The following FCHSD2 variants were observed in gnomAD, a reference collection of about 807,000 sequenced individuals.
The protein encoded by FCHSD2 is F-BAR and double SH3 domains protein 2.
In FCHSD2, 38 loss-of-function variants were observed where a neutral mutation model predicts 108.1. The ratio of observed to expected loss-of-function variants is 0.35; its 90% confidence interval spans 0.27 to 0.46. The LOEUF (loss-of-function observed/expected upper bound fraction) is 0.46. Ranked by LOEUF, FCHSD2 falls within the 20% of genes least tolerant of loss-of-function variation. The pLI is 1.00. For synonymous variants in FCHSD2, 279 were observed against 314.7 expected (o/e 0.89, Z 1.20); for missense variants, 751 against 897.8 (o/e 0.84, Z 2.09).
At chr11:73,008,971 G>A (rs183983718) in intron 4 of FCHSD2, among the ~76,000 whole-genome samples, 1 of 151,546 alleles carries the variant, frequency 6.6e-6, no homozygotes, top group Admixed American at 6.6e-5. Context: ...TTACTTAAAA[G>A]TCATTAGAGA....
intron 3 of FCHSD2, among the ~76,000 whole-genome samples, chr11:73,058,857 C>T (rs1859095933): frequency 6.6e-6 from 1 of 152,072 alleles, no homozygotes; most frequent in South Asian, 2.1e-4. Context: ...TGTGAGCCAT[C>T]CCACCTAGAC....
chr11:73,014,208 T>C (rs1218395227), intron 4 of FCHSD2, among the ~76,000 whole-genome samples: 1 of 143,664 alleles, frequency 7.0e-6, no homozygotes, highest in African/African-American at 2.6e-5. Flanking sequence ...CATAGCTCAC[T>C]GCAGCCTTCA....
At chr11:73,033,355 T>C (rs913049328) in intron 3 of FCHSD2, among the ~76,000 whole-genome samples, 2 of 151,466 alleles carry the variant, frequency 1.3e-5, no homozygotes, top group African/African-American at 4.9e-5. Context: ...TCTAGTCCTG[T>C]CCAAAGATGA....
chr11:73,023,187 A>G (rs1858148494), intron 3 of FCHSD2, among the ~76,000 whole-genome samples: 1 of 152,168 alleles, frequency 6.6e-6, no homozygotes. Flanking sequence ...AAGAAAAATG[A>G]TAAATTGGAC....
intron 8 of FCHSD2, among the ~76,000 whole-genome samples, chr11:72,951,253 G>A (rs1856614577): frequency 6.6e-6 from 1 of 152,114 alleles, no homozygotes; most frequent in South Asian, 2.1e-4. Flanking sequence ...TCTGGTGTAG[G>A]ATATTGCTGT....
rs1565286759 is a variant in FCHSD2, at chr11:72,849,766, AAAC to A, written c.1429_1431del (p.Val477del). The A allele has an allele frequency of 6.2e-7, 1 of 1,610,890 alleles. No individual in the cohort carries two copies. The highest frequency in any genetic ancestry group is 8.5e-7 in the Non-Finnish European group (1 of 1,177,984). ...GGAGAAATACAAACCTTGTAGGAAT[AAAC>A]AACTTTGCAGGTGAGTGGATAATTT... is the stretch of plus-strand genomic sequence containing the variant. On this transcript the variant is annotated inframe_deletion, in exon 14 of 20. Coordinates refer to ENST00000409418, the MANE Select transcript of FCHSD2 (RefSeq NM_014824.3).
At chr11:73,072,879 T>C (rs555439571) in intron 3 of FCHSD2, among the ~76,000 whole-genome samples, 1 of 152,336 alleles carries the variant, frequency 6.6e-6, no homozygotes, top group South Asian at 2.1e-4. Context: ...TTCATAATTT[T>C]ATTTCTTAAA....
intron 8 of FCHSD2, among the ~76,000 whole-genome samples, chr11:72,930,808 T>C (rs560413103): frequency 4.6e-5 from 7 of 152,204 alleles, no homozygotes; most frequent in African/African-American, 1.7e-4. Context: ...TAAAGGGTAG[T>C]AGGGGTTGAG....
At chr11:72,857,276 G>A (rs1861449992) in intron 13 of FCHSD2, among the ~76,000 whole-genome samples, 1 of 152,114 alleles carries the variant, frequency 6.6e-6, no homozygotes, top group South Asian at 2.1e-4. Context: ...CTGTTACACT[G>A]TTTTCTTGAC....
intron 3 of FCHSD2, among the ~76,000 whole-genome samples, chr11:73,029,121 G>A (rs958332214): frequency 2.0e-5 from 3 of 152,106 alleles, no homozygotes; most frequent in Admixed American, 1.3e-4. Flanking sequence ...CACTAAAAAC[G>A]ATAAAATGCC....
intron 2 of FCHSD2, among the ~76,000 whole-genome samples, chr11:73,119,329 T>C (rs1310257734): frequency 6.6e-6 from 1 of 152,068 alleles, no homozygotes; most frequent in African/African-American, 2.4e-5. Context: ...ATGCATATTC[T>C]CTAATATGGG....
At chr11:73,130,405 C>T (rs1447943380) in intron 2 of FCHSD2, among the ~76,000 whole-genome samples, 1 of 152,186 alleles carries the variant, frequency 6.6e-6, no homozygotes, top group African/African-American at 2.4e-5. Flanking sequence ...ACTAACACTT[C>T]TATTCTTAAC....
intron 3 of FCHSD2, among the ~76,000 whole-genome samples, chr11:73,049,546 AG>A (rs1263759736): frequency 1.7e-5 from 1 of 60,592 alleles, no homozygotes; most frequent in African/African-American, 6.6e-5. Context: ...GGGTCGGGGG[AG>A]GGGGGAGGGA....
chr11:72,864,624 G>T (rs1278418671), intron 13 of FCHSD2, among the ~76,000 whole-genome samples: 2 of 152,116 alleles, frequency 1.3e-5, no homozygotes, highest in Non-Finnish European at 2.9e-5. Context: ...ATAAATAAGA[G>T]TAAGGAAATA....
chr11:72,980,761 T>C, intron 8 of FCHSD2, among the ~76,000 whole-genome samples: 1 of 151,238 alleles, frequency 6.6e-6, no homozygotes, highest in East Asian at 1.9e-4. Context: ...TATATATGTG[T>C]ATGTATATAT....
rs192105075 is a variant in FCHSD2 at position 73,132,959 on chromosome 11, T to C, written c.119+7072A>G. Among the ~76,000 whole-genome samples the C allele has an allele frequency of 5.9e-5, 9 of 152,264 alleles. No individual in the cohort carries two copies. In the East Asian group the frequency reaches 1.5e-3, roughly 26 times the overall value. On this transcript the variant is annotated intron_variant, in intron 2 of 19. Transcript: ENST00000409418. Reference sequence around the variant, plus strand: ...ATGATTTTTTAAATGGGCAAAGTACTTGAATAGACATTTCTTCAAAGAAGA... The same window carrying C: ...ATGATTTTTTAAATGGGCAAAGTACCTGAATAGACATTTCTTCAAAGAAGA...
chr11:73,035,632 C>T (rs1199990861), intron 3 of FCHSD2, among the ~76,000 whole-genome samples: 3 of 152,040 alleles, frequency 2.0e-5, no homozygotes, highest in Non-Finnish European at 4.4e-5. Context: ...TAAGTACTTA[C>T]TGAGAATTTT....
chr11:73,106,917 T>A (rs770885310), intron 2 of FCHSD2, among the ~76,000 whole-genome samples: 2 of 152,070 alleles, frequency 1.3e-5, no homozygotes, highest in African/African-American at 4.8e-5. Context: ...TCAGAATATA[T>A]CCCTGACATT....
chr11:73,141,880 T>C lies in FCHSD2; in HGVS notation c.-3A>G, dbSNP rs752289361. 9.1e-6 allele frequency: 14 copies of C among 1,544,960 alleles called. No homozygotes were observed. The highest frequency in any genetic ancestry group is 8.3e-5 in the African/African-American group (6 of 72,706). On this transcript the variant is annotated 5_prime_UTR_variant, in exon 1 of 20. Transcript: ENST00000409418. ...ACCTTCCTCGGCGGCGGCTGCATGA[T>C]GCTGAAGGGACATCAATCCTCCCCG... is the stretch of plus-strand genomic sequence containing the variant.
Sources: allele counts gnomAD v4.1 joint callset (sites outside exome capture counted in the v4.1 genomes callset), GRCh38; gene constraint gnomAD v4.1.1; transcripts MANE v1.5; gene names NCBI Gene and HGNC (gene_info 2026-07-23, HGNC 2026-07-21).